Variants in MMP8 observed in about 807,000 individuals in gnomAD.
The protein encoded by MMP8 is neutrophil collagenase.
In MMP8, 67 loss-of-function variants were observed where a neutral mutation model predicts 51.2. The ratio of observed to expected loss-of-function variants is 1.31; its 90% CI spans 1.08 to 1.60. The LOEUF (loss-of-function observed/expected upper bound fraction) is 1.60, where lower values mean the gene tolerates loss of function less well. MMP8 is among the 40% of genes most tolerant of loss of function. The pLI is 0.00. For synonymous variants in MMP8, 225 were observed against 191.0 expected (o/e 1.18, Z -1.47); for missense variants, 654 against 558.1 (o/e 1.17, Z -1.73).
chr11:102,716,352 T>C lies in MMP8; in HGVS notation c.852A>G (p.Thr284=), dbSNP rs749318933. The C allele has an allele frequency of 5.6e-6, 9 of 1,603,904 alleles. No homozygotes were observed. The East Asian group carries it at 1.1e-4, about 20-fold the overall frequency. ...CACGGAGTGTGGTGATAGCATCAAA[T>C]GTCAAACTGGGGTCACAGGGTTTGG... ...STPKPCDPSL[T]FDAITTLRGE... is the part of the protein sequence containing the mutation. Residue 284 remains threonine (T), a synonymous_variant, in exon 6 of 10, where the codon ACA becomes ACG. Coordinates refer to ENST00000236826, the MANE Select transcript of MMP8 (RefSeq NM_002424.3).
rs1861510315 is a variant in MMP8, at chr11:102,722,660, T to A, written c.116A>T (p.Lys39Met). 1.2e-6 allele frequency: 2 copies of A among 1,613,568 alleles called. No individual in the cohort carries two copies. Among genetic ancestry groups the A allele is most frequent in the Non-Finnish European group, 1.7e-6 (2 of 1,179,692 alleles). Reference sequence around the variant, plus strand: ...CTGGTTGCTTGGTAATTGGTAGAACTTTTCCAGGTAGTCCTGGACAAAGAC... The same window carrying A: ...CTGGTTGCTTGGTAATTGGTAGAACATTTCCAGGTAGTCCTGGACAAAGAC... ...NTKTVQDYLE[K>M]FYQLPSNQYQ... The change falls in exon 2 of 10, where the codon AAG becomes ATG. Residue 39 changes from lysine (K) to methionine (M), a missense_variant. Lys to Met is a moderately conservative substitution (Grantham distance 95). Coordinates refer to ENST00000236826, the MANE Select transcript of MMP8 (RefSeq NM_002424.3).
intron 5 of MMP8, 51 bp from the exon 6 acceptor site, chr11:102,716,470 C>G (rs1273429517): frequency 1.7e-6 from 2 of 1,177,748 alleles, no homozygotes; most frequent in Non-Finnish European, 2.4e-6. Context: ...GAGAGTAAGT[C>G]CGGTGTGACT....
At position 102,714,542 on chromosome 11, in the gene MMP8, A is replaced by C. The variant is rs761630405; in HGVS notation, c.1190+14T>G. 9.2e-6 allele frequency: 13 copies of C among 1,418,796 alleles called. No individual in the cohort carries two copies. Among genetic ancestry groups the C allele is most frequent in the Non-Finnish European group, 1.2e-5 (13 of 1,077,354 alleles). The allele number at this position is 1,418,796 out of a possible 1,614,324, so 87.9% of individuals were successfully genotyped here. A position where few individuals can be genotyped will look rare whatever the true frequency, so the allele number is the denominator to read the frequency against. On this transcript the variant is annotated intron_variant, in intron 8 of 9. Transcript: ENST00000236826. The stretch of plus-strand genomic sequence containing the variant: ...CAGATTTCAACCTATAATTGAAAAA[A>C]TAGTTTACGTTACCTCCAGAATTGG...
Position 102,716,422 on chromosome 11 carries a change from G to GAAA in MMP8, c.785-4_785-3insTTT. ...TTGGATAGGGTTGCTTGAAAGTCCT[G>GAAA]GAAAAAAAAAAAAAAAAAAAAAAAA... On this transcript the variant is annotated splice_region_variant and splice_polypyrimidine_tract_variant and intron_variant, in intron 5 of 9. Transcript: ENST00000236826. 4.0e-6 allele frequency: 2 copies of GAAA among 495,840 alleles called. No individual in the cohort carries two copies. The highest frequency in any genetic ancestry group is 5.9e-6 in the Non-Finnish European group (2 of 338,680). 30.7% of individuals were successfully genotyped at this position (495,840 alleles called of 1,614,324 possible).
chr11:102,715,184 A>C, intron 7 of MMP8, 120 bp downstream of exon 7: 1 of 1,282,450 alleles, frequency 7.8e-7, no homozygotes, highest in Non-Finnish European at 1.1e-6. Flanking sequence ...GTCTTCTGGC[A>C]AAAGCCTGGC....
At position 102,721,461 on chromosome 11, in the gene MMP8, G is replaced by A; in HGVS notation, c.562C>T (p.Gln188Ter). 7 of 1,613,806 alleles carry A rather than the reference G, an allele frequency of 4.3e-6. No individual in the cohort carries two copies. The highest frequency in any genetic ancestry group is 5.9e-6 in the Non-Finnish European group (7 of 1,179,838). The change falls in exon 4 of 10, where the codon CAA (glutamine) becomes TAA (stop). Residue 188 changes from glutamine to a stop codon, truncating the protein, a stop_gained. Coordinates refer to ENST00000236826, the MANE Select transcript of MMP8 (RefSeq NM_002424.3). LOFTEE classifies it high-confidence loss of function. ...GILAHAFQPG[Q>*]GIGGDAHFDA... is the part of the protein sequence containing the mutation. The stretch of plus-strand genomic sequence containing the variant: ...AAATGAGCATCTCCTCCAATACCTT[G>A]GCCTGGCTGAAAGGCATGAGCAAGG...
chr11:102,712,505 A>C lies in MMP8; in HGVS notation c.*843T>G, dbSNP rs1861154093. 6.6e-6 allele frequency: 1 copy of C among 152,204 alleles called. No homozygotes were observed. Among genetic ancestry groups the C allele is most frequent in the Admixed American group, 6.5e-5 (1 of 15,282 alleles). 9.4% of individuals were successfully genotyped at this position (152,204 alleles called of 1,614,324 possible). Reference sequence around the variant, plus strand: ...TGGAGGATAGAAGTCCGAATTCTGCAGGTGTCAGCAGGGTCACACTTGAAG... The same window carrying C: ...TGGAGGATAGAAGTCCGAATTCTGCCGGTGTCAGCAGGGTCACACTTGAAG... On this transcript the variant is annotated 3_prime_UTR_variant, in exon 10 of 10. Transcript: ENST00000236826.
chr11:102,721,349 T>A lies in MMP8; in HGVS notation c.622+52A>T, dbSNP rs187310211. The A allele has an allele frequency of 1.6e-4, 255 of 1,599,086 alleles. 3 individuals carry two copies. In the Middle Eastern group the frequency reaches 2.3e-3, roughly 15 times the overall value. On this transcript the variant is annotated intron_variant, in intron 4 of 9. Coordinates refer to ENST00000236826, the MANE Select transcript of MMP8 (RefSeq NM_002424.3). ...GTGTGTGTGTGTGTGTATTCTAATC[T>A]GTAAAAGGTTAATTCAGAAGCTGTG...
At chr11:102,720,410 A>T (rs186304882) in intron 4 of MMP8, among the ~76,000 whole-genome samples, 42 of 152,244 alleles carry the variant, frequency 2.8e-4, no homozygotes, top group Non-Finnish European at 4.7e-4. Context: ...CAGGGAATGG[A>T]GAGGAGCTGA....
rs760288106 is a variant in MMP8 at position 102,721,636 on chromosome 11, G to A, written c.474C>T (p.Ile158=). 2 of 1,613,782 alleles carry A rather than the reference G, an allele frequency of 1.2e-6. No homozygotes were observed. Among genetic ancestry groups the A allele is most frequent in the South Asian group, 2.2e-5 (2 of 91,064 alleles). The part of the protein sequence containing the change: ...FTRISQGEAD[I]NIAFYQRDHG... ...TACCTCTTTGGTAAAAAGCAATGTT[G>A]ATATCTGCCTCTCCCTGTGAGATCC... The change falls in exon 3 of 10, where the codon ATC becomes ATT. Residue 158 remains isoleucine, a synonymous_variant. Transcript: ENST00000236826.
In MMP8 at chr11:102,724,792, G is replaced by A. The variant is rs1186435909; in HGVS notation, c.64C>T (p.Pro22Ser). 2 of 1,606,800 alleles carry A rather than the reference G, an allele frequency of 1.2e-6. No individual in the cohort carries two copies. The highest frequency in any genetic ancestry group is 1.7e-6 in the Non-Finnish European group (2 of 1,175,768). ...LLHVQISKAF[P>S]VSSKEKNTKT... ...GTATTTTTCTCTTTAGAAGATACAG[G>A]AAAGGCCTTGGAAATCTGCACATGG... Residue 22 changes from proline to serine, a missense_variant, in exon 1 of 10, where the codon CCT becomes TCT. Transcript: ENST00000236826.
rs1398877125 is a variant in MMP8, at chr11:102,712,130, C to T, written c.*1218G>A. ...CTCAGTTTAATGCAACTTAATGAGACATTGAATTTTATGCAGCTAACCCAA... is the reference window on the plus strand; with the variant it reads ...CTCAGTTTAATGCAACTTAATGAGATATTGAATTTTATGCAGCTAACCCAA... On this transcript the variant is annotated 3_prime_UTR_variant, in exon 10 of 10. Transcript: ENST00000236826. The T allele has an allele frequency of 6.6e-6, 1 of 152,150 alleles. No homozygotes were observed. The highest frequency in any genetic ancestry group is 1.5e-5 in the Non-Finnish European group (1 of 68,030). The allele number at this position is 152,150 out of a possible 1,614,324, so 9.4% of individuals were successfully genotyped here.
At chr11:102,715,242 A>G (rs1565436439) in intron 7 of MMP8, 62 bp downstream of exon 7, 5 of 1,542,686 alleles carry the variant, frequency 3.2e-6, no homozygotes, top group East Asian at 2.2e-5. Flanking sequence ...AGGGACCACA[A>G]AGAAGTCCTG....
At chr11:102,716,982 T>C (rs779664687) in intron 5 of MMP8, among the ~76,000 whole-genome samples, 1 of 151,988 alleles carries the variant, frequency 6.6e-6, no homozygotes, top group Admixed American at 6.6e-5. Flanking sequence ...GAGGAAGAAA[T>C]TGGGGAATAG....
rs1291107259 is a variant in MMP8 at position 102,712,794 on chromosome 11, C to A, written c.*554G>T. ...CCTGGTAAGCTCACATTCATGGGTA[C>A]CTGGGGTTAGAACTTCAACATATCT... is the stretch of plus-strand genomic sequence containing the variant. On this transcript the variant is annotated 3_prime_UTR_variant, in exon 10 of 10. Transcript: ENST00000236826. The A allele has an allele frequency of 1.3e-5, 2 of 152,348 alleles. No individual in the cohort carries two copies. Among genetic ancestry groups the A allele is most frequent in the Admixed American group, 1.3e-4 (2 of 15,280 alleles). 9.4% of individuals were successfully genotyped at this position (152,348 alleles called of 1,614,324 possible).
chr11:102,724,681 A>T (rs1861567739), intron 1 of MMP8, 73 bp downstream of exon 1: 9 of 1,312,090 alleles, frequency 6.9e-6, no homozygotes, highest in Non-Finnish European at 9.4e-6. Context: ...GTTTTAATTA[A>T]CAAGAGAAAA....
At chr11:102,719,497 G>C (rs767060064) in intron 4 of MMP8, among the ~76,000 whole-genome samples, 1 of 150,420 alleles carries the variant, frequency 6.6e-6, no homozygotes, top group Non-Finnish European at 1.5e-5. Context: ...TATTTTTATA[G>C]TAAAGTGACT....
At position 102,722,490 on chromosome 11, in the gene MMP8, T is replaced by A; in HGVS notation, c.286A>T (p.Ser96Cys). Residue 96 changes from serine to cysteine, a missense_variant, in exon 2 of 10, where the codon AGT becomes TGT. Transcript: ENST00000236826. Reference sequence around the variant, plus strand: ...CCTGGGGTTAACATAAAACCACCACTGTCAGGCACTCCACAGCGAGGCTTT... The same window carrying A: ...CCTGGGGTTAACATAAAACCACCACAGTCAGGCACTCCACAGCGAGGCTTT... ...MKKPRCGVPD[S>C]GGFMLTPGNP... 1 of 1,613,938 alleles carries A rather than the reference T, an allele frequency of 6.2e-7. No homozygotes were observed.
At chr11:102,716,215 A>G (rs2134298781) in intron 6 of MMP8, 87 bp downstream of exon 6, 1 of 938,530 alleles carries the variant, frequency 1.1e-6, no homozygotes, top group Non-Finnish European at 1.6e-6. Flanking sequence ...TTCAAGGAAA[A>G]GGTGACTAAC....
Sources: gnomAD v4.1 joint callset for allele counts (sites outside exome capture counted in the v4.1 genomes callset) on GRCh38, gnomAD v4.1.1 for gene constraint, MANE v1.5 for transcripts, NCBI Gene and HGNC (gene_info 2026-07-23, HGNC 2026-07-21) for gene names.